LRRC1: variants seen among roughly 807,000 people sequenced by gnomAD.
LRRC1 encodes leucine-rich repeat-containing protein 1.
LRRC1 carries 28 observed loss-of-function variants against 69.9 expected under a neutral mutation model. That is an observed-to-expected ratio of 0.40 (90% CI 0.30 to 0.55). The LOEUF is 0.55. Ranked by LOEUF, LRRC1 falls within the 20% of genes least tolerant of loss-of-function variation. The pLI is 0.47. For synonymous variants in LRRC1, 236 were observed against 240.2 expected, an observed-to-expected ratio of 0.98 and a Z score of 0.16; for missense variants, 498 against 609.0, an observed-to-expected ratio of 0.82 and a Z score of 1.92.
rs1040281674 is a variant in LRRC1, at chr6:53,896,857, G to T, written c.532G>T (p.Glu178Ter). 2 of 1,602,916 alleles carry T rather than the reference G, an allele frequency of 1.2e-6. No homozygotes were observed. The highest frequency in any genetic ancestry group is 1.7e-6 in the Non-Finnish European group (2 of 1,170,438). The stretch of plus-strand genomic sequence containing the variant: ...TCTTACCCAGCTGCGAAGACTAGAA[G>T]AACTTGATTTAGGAAACAATGAAAT... The part of the protein sequence containing the change: ...DSLTQLRRLE[E>*]LDLGNNEIYN... Residue 178 changes from glutamate (E) to a stop codon, truncating the protein, a stop_gained, in exon 6 of 14, where the codon GAA becomes TAA. Coordinates refer to ENST00000370888, the MANE Select transcript of LRRC1 (RefSeq NM_018214.5). LOFTEE classifies it high-confidence loss of function.
intron 2 of LRRC1, among the ~76,000 whole-genome samples, chr6:53,875,231 C>T (rs139709838): frequency 1.4e-3 from 208 of 152,204 alleles, no homozygotes; most frequent in Non-Finnish European, 2.2e-3. Context: ...ATACATATAA[C>T]ATCAGGAACT....
intron 10 of LRRC1, among the ~76,000 whole-genome samples, chr6:53,910,736 A>G (rs910693078): frequency 2.0e-5 from 3 of 152,238 alleles, no homozygotes; most frequent in African/African-American, 4.8e-5. Context: ...TTAAAGTAAC[A>G]TATCCAAAAC....
At chr6:53,817,090 C>G (rs1581850060) in intron 1 of LRRC1, among the ~76,000 whole-genome samples, 1 of 152,176 alleles carries the variant, frequency 6.6e-6, no homozygotes, top group African/African-American at 2.4e-5. Context: ...TAATCCCCAC[C>G]TAAGATTACA....
At chr6:53,896,428 T>A in intron 4 of LRRC1, 70 bp from the exon 5 acceptor site, 1 of 1,284,880 alleles carries the variant, frequency 7.8e-7, no homozygotes, top group South Asian at 1.2e-5. Flanking sequence ...AGTGTGTGTA[T>A]GGGGGAAGGG....
rs1768710273 is a variant in LRRC1 at position 53,920,640 on chromosome 6, G to C, written c.1295G>C (p.Cys432Ser). ...EPTCQENLPR[C>S]GALENLVNDV... The stretch of plus-strand genomic sequence containing the variant: ...GTCACTGCAGAGAATCTGCCTCGCT[G>C]TGGTGCACTGGAGAACTTGGTAAAT... The change falls in exon 13 of 14, where the codon TGT becomes TCT. Residue 432 changes from cysteine (C) to serine (S), a missense_variant. Cys to Ser is a moderately radical substitution (Grantham distance 112, BLOSUM62 -1). Transcript: ENST00000370888. 5.6e-6 allele frequency: 9 copies of C among 1,614,168 alleles called. No individual in the cohort carries two copies. Among genetic ancestry groups the C allele is most frequent in the African/African-American group, 1.3e-5 (1 of 75,038 alleles).
At chr6:53,805,277 G>A (rs996802949) in intron 1 of LRRC1, among the ~76,000 whole-genome samples, 1 of 152,182 alleles carries the variant, frequency 6.6e-6, no homozygotes, top group African/African-American at 2.4e-5. Context: ...GCCGGGCTTT[G>A]ACAGGCTGGG....
chr6:53,844,932 C>T (rs1765893414), intron 2 of LRRC1, among the ~76,000 whole-genome samples: 1 of 152,130 alleles, frequency 6.6e-6, no homozygotes, highest in East Asian at 1.9e-4. Flanking sequence ...GGGCTGGGTG[C>T]GGTGGCTCAC....
intron 2 of LRRC1, among the ~76,000 whole-genome samples, chr6:53,878,005 A>G (rs1229994632): frequency 6.6e-6 from 1 of 152,222 alleles, no homozygotes; most frequent in Non-Finnish European, 1.5e-5. Context: ...ACAGTTCCAC[A>G]TGGCTAGGGA....
chr6:53,897,451 A>G (rs1032584017), intron 7 of LRRC1, 92 bp downstream of exon 7: 1 of 924,904 alleles, frequency 1.1e-6, no homozygotes, highest in African/African-American at 1.7e-5. Flanking sequence ...TTTGCTATAA[A>G]AGGATCTTGA....
At chr6:53,890,542 A>G (rs1767643341) in intron 4 of LRRC1, among the ~76,000 whole-genome samples, 2 of 152,220 alleles carry the variant, frequency 1.3e-5, no homozygotes, top group African/African-American at 2.4e-5. Flanking sequence ...CTATATTATA[A>G]GTGCATGCTG....
intron 11 of LRRC1, 130 bp from the exon 12 acceptor site, chr6:53,919,368 C>T (rs1768668289): frequency 2.8e-6 from 2 of 725,302 alleles, no homozygotes; most frequent in Non-Finnish European, 4.2e-6. Context: ...AACATAACAC[C>T]GTTTTTACAT....
At chr6:53,902,034 A>C (rs1424110758) in intron 8 of LRRC1, among the ~76,000 whole-genome samples, 4 of 152,208 alleles carry the variant, frequency 2.6e-5, no homozygotes, top group African/African-American at 9.6e-5. Context: ...GAATGACTTT[A>C]CTAGTGGCTA....
intron 3 of LRRC1, among the ~76,000 whole-genome samples, chr6:53,880,490 T>C (rs912050997): frequency 6.6e-6 from 1 of 152,222 alleles, no homozygotes. Context: ...TCCATCTTCA[T>C]TGACCTCAGT....
At chr6:53,861,555 G>A (rs1766522256) in intron 2 of LRRC1, among the ~76,000 whole-genome samples, 1 of 151,584 alleles carries the variant, frequency 6.6e-6, no homozygotes, top group African/African-American at 2.4e-5. Flanking sequence ...GTGCTCTGAA[G>A]TTTGAGAATC....
At chr6:53,817,657 CA>C (rs1764991618) in intron 1 of LRRC1, among the ~76,000 whole-genome samples, 1 of 152,166 alleles carries the variant, frequency 6.6e-6, no homozygotes, top group African/African-American at 2.4e-5. Flanking sequence ...CTCTAGTAAC[CA>C]CCATTTTACC....
intron 2 of LRRC1, among the ~76,000 whole-genome samples, chr6:53,853,497 C>T (rs1223446371): frequency 6.6e-6 from 1 of 152,046 alleles, no homozygotes; most frequent in Non-Finnish European, 1.5e-5. Context: ...GTTGACCAGG[C>T]TGGTCTTCAA....
chr6:53,923,322 A>G lies in LRRC1; in HGVS notation c.*529A>G, dbSNP rs571725040. The G allele has an allele frequency of 1.4e-4, 21 of 152,842 alleles. No individual in the cohort carries two copies. The highest frequency in any genetic ancestry group is 5.1e-4 in the African/African-American group (21 of 41,584). The allele number at this position is 152,842 out of a possible 1,614,324, so 9.5% of individuals were successfully genotyped here. On this transcript the variant is annotated 3_prime_UTR_variant, in exon 14 of 14. Coordinates refer to ENST00000370888, the MANE Select transcript of LRRC1 (RefSeq NM_018214.5). ...TGTTATTTTATCTTGAAAACGGTAC[A>G]TATTTTAGTATTTGTGCAGAAAAAC...
chr6:53,822,961 G>A (rs1280533918), intron 1 of LRRC1, among the ~76,000 whole-genome samples: 2 of 152,136 alleles, frequency 1.3e-5, no homozygotes, highest in African/African-American at 2.4e-5. Flanking sequence ...ATATGATACC[G>A]TCCTTGCAGC....
At chr6:53,858,583 A>G (rs1490131260) in intron 2 of LRRC1, among the ~76,000 whole-genome samples, 5 of 152,236 alleles carry the variant, frequency 3.3e-5, no homozygotes, top group Admixed American at 2.6e-4. Context: ...AAATGAAAGA[A>G]TGAGTGAATG....
Sources: gnomAD v4.1 joint callset for allele counts (sites outside exome capture counted in the v4.1 genomes callset) on GRCh38, gnomAD v4.1.1 for gene constraint, MANE v1.5 for transcripts, NCBI Gene and HGNC (gene_info 2026-07-23, HGNC 2026-07-21) for gene names.